MYO1E: variants seen among roughly 807,000 people sequenced by gnomAD.
MYO1E encodes unconventional myosin-Ie.
MYO1E carries 68 observed loss-of-function variants against 151.1 expected under a neutral mutation model. The observed-to-expected ratio is 0.45, with a 90% CI of 0.37 to 0.55. MYO1E has a LOEUF of 0.55. Among genes scored for constraint, MYO1E ranks in the 20% least tolerant of loss-of-function variants. The pLI, the probability that MYO1E is intolerant of heterozygous loss-of-function variation, is 0.00. For synonymous variants in MYO1E, 601 were observed against 501.7 expected, an observed-to-expected ratio of 1.20 and a Z score of -2.64; for missense variants, 1,363 against 1,389.3, an observed-to-expected ratio of 0.98 and a Z score of 0.30.
At chr15:59,302,123 G>C (rs1458413752) in intron 1 of MYO1E, among the ~76,000 whole-genome samples, 1 of 152,116 alleles carries the variant, frequency 6.6e-6, no homozygotes, top group Non-Finnish European at 1.5e-5. Flanking sequence ...GGCACCATGA[G>C]CATCAGATGT....
intron 1 of MYO1E, among the ~76,000 whole-genome samples, chr15:59,298,290 A>T (rs190362932): frequency 6.6e-6 from 1 of 152,328 alleles, no homozygotes; most frequent in Admixed American, 6.5e-5. Context: ...CAGACAGTCA[A>T]GGGCCATGGA....
intron 1 of MYO1E, among the ~76,000 whole-genome samples, chr15:59,356,756 G>A (rs1392841286): frequency 6.6e-6 from 1 of 151,766 alleles, no homozygotes; most frequent in African/African-American, 2.4e-5. Context: ...TTCTGTATTG[G>A]CAGGTCTTTG....
chr15:59,160,345 G>GTGTT (rs2079530975), intron 24 of MYO1E, among the ~76,000 whole-genome samples: 1 of 134,128 alleles, frequency 7.5e-6, no homozygotes, highest in Non-Finnish European at 1.5e-5. Context: ...GCGTGTGTGT[G>GTGTT]TGTGTGTGTG....
At chr15:59,216,945 A>T (rs7167638) in intron 10 of MYO1E, among the ~76,000 whole-genome samples, 59,018 of 150,952 alleles carry the variant, frequency 0.39, 12,188 homozygotes, top group East Asian at 0.7. Flanking sequence ...CTTTCAGATC[A>T]CTCGCTCTGG....
chr15:59,223,257 A>G (rs2079967599), intron 8 of MYO1E, 66 bp from the exon 9 acceptor site: 4 of 1,600,268 alleles, frequency 2.5e-6, no homozygotes, highest in Non-Finnish European at 3.4e-6. Context: ...CTTAGGAAGA[A>G]GCCAAGGCAC....
chr15:59,358,109 G>C (rs2080865155), intron 1 of MYO1E, among the ~76,000 whole-genome samples: 2 of 152,172 alleles, frequency 1.3e-5, no homozygotes, highest in Admixed American at 1.3e-4. Flanking sequence ...AGAGGATGAT[G>C]TCTCCTTGTC....
chr15:59,220,573 A>C (rs2079948292), intron 9 of MYO1E, among the ~76,000 whole-genome samples: 1 of 152,170 alleles, frequency 6.6e-6, no homozygotes, highest in Non-Finnish European at 1.5e-5. Context: ...GCACTGCAAG[A>C]GCAAGAGAAA....
chr15:59,217,890 C>T lies in MYO1E; in HGVS notation c.1107+1G>A. The T allele has an allele frequency of 6.2e-7, 1 of 1,614,058 alleles. No individual in the cohort carries two copies. The highest frequency in any genetic ancestry group is 8.5e-7 in the Non-Finnish European group (1 of 1,179,934). ...CACCAGCATCAACTTCTGTTACTTACATCTACCAAGAAATCAAAGACCCGG... is the reference window on the plus strand; with the variant it reads ...CACCAGCATCAACTTCTGTTACTTATATCTACCAAGAAATCAAAGACCCGG... On this transcript the variant is annotated splice_donor_variant, in intron 10 of 27. Coordinates refer to ENST00000288235, the MANE Select transcript of MYO1E (RefSeq NM_004998.4). LOFTEE classifies it high-confidence loss of function.
In MYO1E at chr15:59,350,953, G is replaced by C. The variant is rs575067342; in HGVS notation, c.3+21545C>G. 2.9e-4 allele frequency among the ~76,000 whole-genome samples: 44 copies of C among 152,342 alleles called. No individual in the cohort carries two copies. The highest frequency in any genetic ancestry group is 4.9e-4 in the Non-Finnish European group (33 of 68,038). On this transcript the variant is annotated intron_variant, in intron 1 of 27. Transcript: ENST00000288235. This position sits in a 1 kb window ranked among gnomAD's most constrained non-coding sequence, Gnocchi z 5.0. The stretch of plus-strand genomic sequence containing the variant: ...GCTCTGTCACCCAGGCTGGCGTGCA[G>C]TGGCGCGATCTCGGCTCAATGCAAG...
chr15:59,193,336 C>A (rs1237604259), intron 17 of MYO1E, among the ~76,000 whole-genome samples: 1 of 152,334 alleles, frequency 6.6e-6, no homozygotes, highest in Middle Eastern at 3.4e-3. Context: ...GGGTCTCACT[C>A]TAACAGCTGG....
At chr15:59,223,810 G>GA (rs1183764411) in intron 8 of MYO1E, among the ~76,000 whole-genome samples, 1 of 152,210 alleles carries the variant, frequency 6.6e-6, no homozygotes, top group East Asian at 1.9e-4. Context: ...AATCTTAAGA[G>GA]AAACATCTCC....
intron 18 of MYO1E, among the ~76,000 whole-genome samples, chr15:59,184,563 G>T (rs768595747): frequency 6.6e-5 from 10 of 151,910 alleles, no homozygotes; most frequent in African/African-American, 1.5e-4. Flanking sequence ...GTTTCACCAC[G>T]TTGGCCAGGC....
intron 19 of MYO1E, among the ~76,000 whole-genome samples, chr15:59,176,258 C>T (rs1308979253): frequency 6.6e-6 from 1 of 151,986 alleles, no homozygotes; most frequent in East Asian, 1.9e-4. Context: ...GATGGGGTTT[C>T]GCCGTGTTAG....
chr15:59,179,766 A>T (rs2079647310), intron 18 of MYO1E, among the ~76,000 whole-genome samples: 1 of 152,264 alleles, frequency 6.6e-6, no homozygotes, highest in Non-Finnish European at 1.5e-5. Flanking sequence ...AGTCTACTAT[A>T]CATGCCTATG....
intron 4 of MYO1E, among the ~76,000 whole-genome samples, chr15:59,253,996 G>A (rs751541239): frequency 9.3e-5 from 14 of 150,226 alleles, no homozygotes; most frequent in South Asian, 2.1e-4. Flanking sequence ...AACCAGGTGC[G>A]GTGTGTAGGC....
chr15:59,361,540 A>C (rs2080885410), intron 1 of MYO1E, among the ~76,000 whole-genome samples: 1 of 152,194 alleles, frequency 6.6e-6, no homozygotes, highest in Admixed American at 6.5e-5. Context: ...AATTCTTGGA[A>C]TGCTACTGTA....
intron 22 of MYO1E, 68 bp downstream of exon 22, chr15:59,171,829 T>C (rs1218548437): frequency 1.9e-6 from 3 of 1,607,128 alleles, no homozygotes; most frequent in Non-Finnish European, 2.6e-6. Flanking sequence ...CTCCTGGCTG[T>C]TTGGAACAGC....
rs2080815929 is a variant in MYO1E, at chr15:59,350,138, T to C, written c.3+22360A>G. On this transcript the variant is annotated intron_variant, in intron 1 of 27. Coordinates refer to ENST00000288235, the MANE Select transcript of MYO1E (RefSeq NM_004998.4). This position sits in a 1 kb window ranked among gnomAD's most constrained non-coding sequence, Gnocchi z 5.0. ...AAAAGAGAATGGAAGCTATTCTTAC[T>C]TCATTTTTTAACAAATGAAACTGAA... 6.6e-6 allele frequency among the ~76,000 whole-genome samples: 1 copy of C among 152,242 alleles called. No individual in the cohort carries two copies. Among genetic ancestry groups the C allele is most frequent in the South Asian group, 2.1e-4 (1 of 4,830 alleles).
chr15:59,296,032 C>A (rs1036365996), intron 1 of MYO1E, among the ~76,000 whole-genome samples: 8 of 152,140 alleles, frequency 5.3e-5, no homozygotes, highest in African/African-American at 1.9e-4. Flanking sequence ...AGAGAAAAAA[C>A]AAACAGCTCT....
Sources: allele counts gnomAD v4.1 joint callset (sites outside exome capture counted in the v4.1 genomes callset), GRCh38; gene constraint gnomAD v4.1.1; non-coding constraint Gnocchi (gnomAD v3.1); transcripts MANE v1.5; gene names NCBI Gene and HGNC (gene_info 2026-07-23, HGNC 2026-07-21).